The following SPIN1 variants were observed in gnomAD, a reference collection of about 807,000 sequenced individuals.
The protein encoded by SPIN1 is spindlin 1, also known as spindlin-1.
Under a neutral mutation model 26.0 loss-of-function variants are expected in SPIN1, and 3 were observed. The ratio of observed to expected loss-of-function variants is 0.12; its 90% CI spans 0.05 to 0.30. The LOEUF (loss-of-function observed/expected upper bound fraction) is 0.30, where lower values mean the gene tolerates loss of function less well. SPIN1 is among the 10% of genes least tolerant of loss of function. SPIN1 has a pLI of 1.00. For missense variants in SPIN1, 126 were observed against 333.4 expected (o/e 0.38, Z 4.84); for synonymous variants, 101 against 116.5 (o/e 0.87, Z 0.86).
chr9:88,395,872 C>A (rs1388079899), intron 1 of SPIN1, among the ~76,000 whole-genome samples: 1 of 151,840 alleles, frequency 6.6e-6, no homozygotes, highest in Non-Finnish European at 1.5e-5. Flanking sequence ...CGTGGTGAAA[C>A]CCCATCTCTG....
chr9:88,392,557 G>C (rs933071827), intron 1 of SPIN1, among the ~76,000 whole-genome samples: 1 of 151,960 alleles, frequency 6.6e-6, no homozygotes, highest in Non-Finnish European at 1.5e-5. Flanking sequence ...CCAAAAGTTA[G>C]CCCCTTGTTA....
At chr9:88,466,731 GTTGTTGTTGTTT>G (rs1281045315) in intron 4 of SPIN1, among the ~76,000 whole-genome samples, 2 of 152,046 alleles carry the variant, frequency 1.3e-5, no homozygotes, top group Non-Finnish European at 2.9e-5. Flanking sequence ...CTAATTGTTT[GTTGTTGTTGTTT>G]TTGTTGTTGT....
chr9:88,464,595 CTCTT>C (rs1828624933), intron 4 of SPIN1, among the ~76,000 whole-genome samples: 1 of 152,186 alleles, frequency 6.6e-6, no homozygotes, highest in Non-Finnish European at 1.5e-5. Context: ...TTTTCACTCT[CTCTT>C]TTTCTCAATT....
intron 1 of SPIN1, among the ~76,000 whole-genome samples, chr9:88,399,411 G>T (rs1469266179): frequency 6.6e-6 from 1 of 152,194 alleles, no homozygotes; most frequent in African/African-American, 2.4e-5. Flanking sequence ...TTTGAGAAAG[G>T]AAGATGGATG....
chr9:88,397,247 C>G (rs1386424245), intron 1 of SPIN1, among the ~76,000 whole-genome samples: 2 of 152,064 alleles, frequency 1.3e-5, no homozygotes, highest in East Asian at 3.9e-4. Context: ...CTTAAAACAG[C>G]CTCATAATAT....
chr9:88,423,300 C>A (rs1464264179), intron 1 of SPIN1, among the ~76,000 whole-genome samples: 1 of 152,152 alleles, frequency 6.6e-6, no homozygotes, highest in African/African-American at 2.4e-5. Context: ...TTTCTTTAAT[C>A]TGGCTGGGTG....
At chr9:88,414,585 C>T (rs1827522447) in intron 1 of SPIN1, among the ~76,000 whole-genome samples, 2 of 152,216 alleles carry the variant, frequency 1.3e-5, no homozygotes, top group South Asian at 4.1e-4. Flanking sequence ...CATGAGAAGA[C>T]TATGTGCTCT....
In SPIN1 at chr9:88,473,749, T is replaced by C. The variant is rs534000466; in HGVS notation, c.590-1329T>C. ...GAAAGGGTCCTGGTCGCGTACCCGC[T>C]CTGATGGTAAAACAGGCCTCTACAT... On this transcript the variant is annotated intron_variant, in intron 5 of 5. Coordinates refer to ENST00000375859, the MANE Select transcript of SPIN1 (RefSeq NM_006717.3). Among the ~76,000 whole-genome samples, 42 of 152,248 alleles carry C rather than the reference T, an allele frequency of 2.8e-4. No individual in the cohort carries two copies. The East Asian group carries it at 2.9e-3, about 11-fold the overall frequency.
At chr9:88,450,787 T>C (rs928069737) in intron 3 of SPIN1, among the ~76,000 whole-genome samples, 1 of 152,202 alleles carries the variant, frequency 6.6e-6, no homozygotes, top group Admixed American at 6.5e-5. Flanking sequence ...TCAATGTGAA[T>C]CTGAAGATGG....
intron 1 of SPIN1, among the ~76,000 whole-genome samples, chr9:88,396,109 C>A (rs763095874): frequency 1.3e-5 from 2 of 151,414 alleles, no homozygotes; most frequent in Non-Finnish European, 2.9e-5. Context: ...ATTGGCCAGG[C>A]ATGGTGGCCT....
chr9:88,404,867 G>A (rs1022429837), intron 1 of SPIN1, among the ~76,000 whole-genome samples: 9 of 147,602 alleles, frequency 6.1e-5, no homozygotes, highest in African/African-American at 2.2e-4. Context: ...AGTGAGCCGA[G>A]ATCGTGCCAT....
intron 2 of SPIN1, among the ~76,000 whole-genome samples, chr9:88,445,518 TTTATTATTATTATTATTA>T (rs138265190): frequency 2.1e-3 from 283 of 134,604 alleles, no homozygotes; most frequent in African/African-American, 7.3e-3. Context: ...TATTGAGACT[TTTATTATTATTATTATTA>T]TTATTATTAT....
At chr9:88,465,266 T>C (rs1319620747) in intron 4 of SPIN1, among the ~76,000 whole-genome samples, 2 of 152,216 alleles carry the variant, frequency 1.3e-5, no homozygotes, top group Non-Finnish European at 2.9e-5. Context: ...GAGATCCTGC[T>C]TTCAGTTGTT....
intron 4 of SPIN1, 22 bp from the exon 5 acceptor site, chr9:88,468,345 CTTTTT>C (rs10541463): frequency 3.6e-4 from 475 of 1,318,284 alleles, no homozygotes; most frequent in South Asian, 1.2e-3. Flanking sequence ...ACTTTGTCAA[CTTTTT>C]TTTTTTTTTT....
chr9:88,473,449 A>G (rs537990657), intron 5 of SPIN1, among the ~76,000 whole-genome samples: 160 of 152,282 alleles, frequency 1.1e-3, no homozygotes, highest in Non-Finnish European at 1.9e-3. Context: ...CAACTTACAT[A>G]CTCAGGAATT....
intron 1 of SPIN1, among the ~76,000 whole-genome samples, chr9:88,408,981 T>TTGTGTGTGTGTGTGTGTGTGTGTGTGTG (rs148808911): frequency 7.3e-6 from 1 of 136,596 alleles, no homozygotes; most frequent in African/African-American, 2.8e-5. Context: ...TTGTGTGTGT[T>TTGTGTGTGTGTGTGTGTGTGTGTGTGTG]TGTGTGTGTG....
intron 1 of SPIN1, among the ~76,000 whole-genome samples, chr9:88,395,384 A>G (rs1369228191): frequency 6.6e-6 from 1 of 151,742 alleles, no homozygotes; most frequent in African/African-American, 2.4e-5. Context: ...CTTTTACTTA[A>G]TTTATTCTGG....
intron 1 of SPIN1, among the ~76,000 whole-genome samples, chr9:88,390,366 G>T (rs937040536): frequency 6.6e-6 from 1 of 152,196 alleles, no homozygotes; most frequent in Non-Finnish European, 1.5e-5. Context: ...TTCGTGGGTA[G>T]TGTCTCAAAT....
intron 1 of SPIN1, among the ~76,000 whole-genome samples, chr9:88,398,337 G>A (rs1307504947): frequency 2.0e-5 from 3 of 152,036 alleles, no homozygotes; most frequent in South Asian, 2.1e-4. Flanking sequence ...TAGTTTATGT[G>A]ATTTAATTAA....
Sources: allele counts gnomAD v4.1 joint callset (sites outside exome capture counted in the v4.1 genomes callset), GRCh38; gene constraint gnomAD v4.1.1; transcripts MANE v1.5; gene names NCBI Gene and HGNC (gene_info 2026-07-23, HGNC 2026-07-21).